Variants in EFCAB5 observed in about 807,000 individuals in gnomAD.
EFCAB5 encodes the protein EF-hand calcium-binding domain-containing protein 5.
In EFCAB5, 131 loss-of-function variants were observed where a neutral mutation model predicts 167.9. The observed-to-expected ratio is 0.78, with a 90% CI of 0.68 to 0.90. The LOEUF is 0.90. Among genes scored for constraint, EFCAB5 ranks in the 40% least tolerant of loss-of-function variants. The pLI is 0.00. For missense variants in EFCAB5, 1,663 were observed against 1,745.2 expected, an observed-to-expected ratio of 0.95 and a Z score of 0.84; for synonymous variants, 574 against 602.8, an observed-to-expected ratio of 0.95 and a Z score of 0.70.
chr17:30,068,601 C>A, intron 14 of EFCAB5: 3 of 1,375,932 alleles, frequency 2.2e-6, no homozygotes, highest in Non-Finnish European at 1.9e-6. Flanking sequence ...TGGGCAGGTC[C>A]CTTGTGGGGC....
intron 7 of EFCAB5, among the ~76,000 whole-genome samples, chr17:30,028,820 CT>C (rs1457098619): frequency 6.6e-6 from 1 of 152,140 alleles, no homozygotes; most frequent in Non-Finnish European, 1.5e-5. Flanking sequence ...GATTTTTGCC[CT>C]TGTCTTCATA....
At chr17:30,094,611 G>T (rs1401868326) in intron 22 of EFCAB5, among the ~76,000 whole-genome samples, 3 of 152,092 alleles carry the variant, frequency 2.0e-5, no homozygotes, top group South Asian at 2.1e-4. Flanking sequence ...GAGCCCAGGA[G>T]GTTGAGGCTG....
intron 10 of EFCAB5, 79 bp downstream of exon 10, chr17:30,054,227 T>A: frequency 6.9e-7 from 1 of 1,450,968 alleles, no homozygotes; most frequent in Non-Finnish European, 9.1e-7. Flanking sequence ...AAACACTCAT[T>A]TAAGTTAGAA....
At chr17:29,940,693 C>A (rs562235434), upstream of EFCAB5, among the ~76,000 whole-genome samples, 28 of 152,064 alleles carry the variant, frequency 1.8e-4, no homozygotes, top group African/African-American at 6.5e-4. Context: ...CTCTTCTCTC[C>A]AAAGGCAGTA....
intron 7 of EFCAB5, among the ~76,000 whole-genome samples, chr17:30,033,836 C>G (rs749222939): frequency 2.6e-5 from 4 of 152,206 alleles, no homozygotes; most frequent in Non-Finnish European, 5.9e-5. Context: ...GCCAGTCTTG[C>G]AATACACATG....
intron 7 of EFCAB5, among the ~76,000 whole-genome samples, chr17:30,001,141 C>G (rs1464191343): frequency 6.6e-6 from 1 of 152,162 alleles, no homozygotes; most frequent in Non-Finnish European, 1.5e-5. Context: ...CCTGGTGCTT[C>G]CCCTGTGGCC....
intron 4 of EFCAB5, among the ~76,000 whole-genome samples, chr17:29,969,782 T>A (rs2151580217): frequency 6.6e-6 from 1 of 152,272 alleles, no homozygotes; most frequent in South Asian, 2.1e-4. Context: ...ATATTCCACC[T>A]CCACCATAAA....
At chr17:30,070,792 A>G (rs971320191) in intron 14 of EFCAB5, among the ~76,000 whole-genome samples, 1 of 151,884 alleles carries the variant, frequency 6.6e-6, no homozygotes, top group Admixed American at 6.6e-5. Flanking sequence ...TCTACTAAAA[A>G]TACAAAAATT....
At chr17:29,965,209 A>G (rs1209908149) in intron 3 of EFCAB5, among the ~76,000 whole-genome samples, 2 of 151,818 alleles carry the variant, frequency 1.3e-5, no homozygotes, top group African/African-American at 4.8e-5. Context: ...ACTGCATCCT[A>G]TAAATTTTGA....
At chr17:30,097,031 CATATACATATACATATACAT>C (rs1487145706) in intron 22 of EFCAB5, among the ~76,000 whole-genome samples, 6 of 107,988 alleles carry the variant, frequency 5.6e-5, no homozygotes, top group Middle Eastern at 5.0e-3. Context: ...TATACATATA[CATATACATATACATATACAT>C]ATATATATAT....
At chr17:29,966,367 A>G (rs981639547) in intron 3 of EFCAB5, among the ~76,000 whole-genome samples, 1 of 152,126 alleles carries the variant, frequency 6.6e-6, no homozygotes, top group Non-Finnish European at 1.5e-5. Flanking sequence ...ATGGTGGTTC[A>G]TGCCTGTAAT....
chr17:30,037,807 A>G (rs2069666609), intron 8 of EFCAB5, among the ~76,000 whole-genome samples: 2 of 152,196 alleles, frequency 1.3e-5, no homozygotes, highest in African/African-American at 4.8e-5. Flanking sequence ...TTCTTGATGC[A>G]TTGTTTATAA....
In EFCAB5 at chr17:30,023,722, C is replaced by A. The variant is rs2069241920; in HGVS notation, c.1045-10508C>A. Among the ~76,000 whole-genome samples, 2 of 151,884 alleles carry A rather than the reference C, an allele frequency of 1.3e-5. 1 individual carries two copies. The highest frequency in any genetic ancestry group is 2.9e-5 in the Non-Finnish European group (2 of 67,964). Reference sequence around the variant, plus strand: ...CTGATACCAAAGCCGGGCAGAGACACAACAAAAAAAGAGAATTTTAGACTA... The same window carrying A: ...CTGATACCAAAGCCGGGCAGAGACAAAACAAAAAAAGAGAATTTTAGACTA... On this transcript the variant is annotated intron_variant, in intron 7 of 22. Transcript: ENST00000394835.
chr17:30,096,941 A>G (rs2071303706), intron 22 of EFCAB5, among the ~76,000 whole-genome samples: 1 of 149,094 alleles, frequency 6.7e-6, no homozygotes, highest in South Asian at 2.1e-4. Flanking sequence ...TGGCTCCCAA[A>G]GTGCTGGGGT....
intron 1 of EFCAB5, among the ~76,000 whole-genome samples, chr17:29,935,229 A>T (rs2151506816): frequency 6.6e-6 from 1 of 152,284 alleles, no homozygotes; most frequent in African/African-American, 2.4e-5. Flanking sequence ...ACTTTTACTA[A>T]CTTCATTTAA....
chr17:29,930,734 CTTCTGGAAAGA>C lies in EFCAB5; in HGVS notation c.-127+1406_-127+1416del, dbSNP rs199499949. On this transcript the variant is annotated intron_variant, in intron 1 of 3. Transcript: ENST00000448319. ...CTTCCGTCTATGTTTTATGATGAGA[CTTCTGGAAAGA>C]AAACCATTTTCCGTTTGATACCCTG... 3.7e-3 allele frequency among the ~76,000 whole-genome samples: 566 copies of C among 152,204 alleles called. 20 individuals carry two copies. In the East Asian group the frequency reaches 0.097, roughly 26 times the overall value.
Position 30,053,991 on chromosome 17 carries a change from A to G in EFCAB5, c.2037A>G (p.Leu679=). Residue 679 remains leucine, a synonymous_variant, in exon 10 of 23, where the codon TTA becomes TTG. Transcript: ENST00000394835. ...CACAATCAAGAAAAGATAGTATCTT[A>G]AAAAGTACAAAATATGGGGAACCTA... is the stretch of plus-strand genomic sequence containing the variant. ...STSQSRKDSI[L]KSTKYGEPIT... 1 of 1,612,728 alleles carries G rather than the reference A, an allele frequency of 6.2e-7. No homozygotes were observed. The highest frequency in any genetic ancestry group is 8.5e-7 in the Non-Finnish European group (1 of 1,179,116).
upstream of EFCAB5, among the ~76,000 whole-genome samples, chr17:29,941,138 T>A (rs1415249685): frequency 6.6e-6 from 1 of 152,156 alleles, no homozygotes; most frequent in African/African-American, 2.4e-5. Context: ...GGAGGCAGAC[T>A]GTGTGAATAT....
chr17:30,080,636 A>C (rs1237300860), intron 16 of EFCAB5, 117 bp from the exon 17 acceptor site: 1 of 752,454 alleles, frequency 1.3e-6, no homozygotes, highest in African/African-American at 1.8e-5. Context: ...ATCTGAGTCC[A>C]CTGCTCGGTC....
Sources: allele counts gnomAD v4.1 joint callset (sites outside exome capture counted in the v4.1 genomes callset), GRCh38; gene constraint gnomAD v4.1.1; transcripts MANE v1.5; gene names NCBI Gene and HGNC (gene_info 2026-07-23, HGNC 2026-07-21).